The following PLCL1 variants were observed in gnomAD, a reference collection of about 807,000 sequenced individuals.
PLCL1 encodes inactive phospholipase C-like protein 1.
PLCL1 carries 41 observed loss-of-function variants against 84.4 expected under a neutral mutation model. The observed-to-expected ratio is 0.49, with a 90% CI of 0.38 to 0.63. The LOEUF (loss-of-function observed/expected upper bound fraction) is 0.63, where lower values mean the gene tolerates loss of function less well. PLCL1 is among the 30% of genes least tolerant of loss of function. The pLI is 0.00. For synonymous variants in PLCL1, 490 were observed against 488.3 expected (o/e 1.00, Z -0.05); for missense variants, 1,206 against 1,367.8 (o/e 0.88, Z 1.87).
chr2:197,926,734 A>G (rs1688839065), intron 1 of PLCL1, among the ~76,000 whole-genome samples: 2 of 152,202 alleles, frequency 1.3e-5, no homozygotes, highest in African/African-American at 2.4e-5. Context: ...CCTTCTGGTT[A>G]TCAGTTGCTG....
At chr2:198,092,077 A>G (rs1432499251) in intron 3 of PLCL1, among the ~76,000 whole-genome samples, 1 of 145,862 alleles carries the variant, frequency 6.9e-6, no homozygotes, top group African/African-American at 2.6e-5. Flanking sequence ...GCTTCTCCCA[A>G]CCTCACCTGC....
At chr2:197,922,618 C>A (rs1438633856) in intron 1 of PLCL1, among the ~76,000 whole-genome samples, 1 of 141,152 alleles carries the variant, frequency 7.1e-6, no homozygotes, top group South Asian at 2.3e-4. Flanking sequence ...ACCTCCCGGA[C>A]GGGGCGGCTG....
chr2:198,050,188 C>G (rs1378265438), intron 1 of PLCL1, among the ~76,000 whole-genome samples: 2 of 152,100 alleles, frequency 1.3e-5, no homozygotes, highest in African/African-American at 4.8e-5. Context: ...ACAGCTCCAG[C>G]TTAATATTCA....
chr2:198,088,177 G>A (rs540314082), intron 2 of PLCL1, among the ~76,000 whole-genome samples: 9 of 152,120 alleles, frequency 5.9e-5, no homozygotes, highest in Non-Finnish European at 1.2e-4. Flanking sequence ...GTGTATCCAG[G>A]TAGCGTTGAT....
In PLCL1 at chr2:197,908,074, T is replaced by C. The variant is rs1688417308; in HGVS notation, c.240+102735T>C. Among the ~76,000 whole-genome samples the C allele has an allele frequency of 2.0e-5, 3 of 152,100 alleles. No individual in the cohort carries two copies. The South Asian group carries it at 6.2e-4, about 31-fold the overall frequency. On this transcript the variant is annotated intron_variant, in intron 1 of 5. Transcript: ENST00000428675. ...CACATATTTAGCATGAGAAAGAAGA[T>C]GAGTATAAGACATTGCATAGGCTTT...
chr2:197,984,294 C>T (rs1004608790), intron 1 of PLCL1, among the ~76,000 whole-genome samples: 1 of 152,172 alleles, frequency 6.6e-6, no homozygotes, highest in Non-Finnish European at 1.5e-5. Context: ...TCATTTATCT[C>T]TCATGGTAAT....
At chr2:197,963,005 T>C (rs1336122216) in intron 1 of PLCL1, among the ~76,000 whole-genome samples, 3 of 152,134 alleles carry the variant, frequency 2.0e-5, no homozygotes, top group African/African-American at 7.2e-5. Flanking sequence ...TTTCCAAATA[T>C]AGGCTATTGT....
rs567510507 is a variant in PLCL1, at chr2:198,012,154, G to A, written c.241-71604G>A. On this transcript the variant is annotated intron_variant, in intron 1 of 5. Coordinates refer to ENST00000428675, the MANE Select transcript of PLCL1 (RefSeq NM_006226.4). ...GATTCATAGTTCCCCAAAGCTCAGA[G>A]TGAATGGAATCTTTCTGTGTGTTAC... Among the ~76,000 whole-genome samples the A allele has an allele frequency of 2.8e-4, 43 of 152,252 alleles. 1 individual carries two copies. In the South Asian group the frequency reaches 5.6e-3, roughly 20 times the overall value.
intron 5 of PLCL1, among the ~76,000 whole-genome samples, chr2:198,105,933 A>G (rs1693463437): frequency 6.6e-6 from 1 of 151,944 alleles, no homozygotes; most frequent in South Asian, 2.1e-4. Context: ...ACATGAAAAA[A>G]GAAATGATTT....
At chr2:198,105,414 T>G (rs1174928282) in intron 5 of PLCL1, among the ~76,000 whole-genome samples, 1 of 152,062 alleles carries the variant, frequency 6.6e-6, no homozygotes, top group East Asian at 1.9e-4. Flanking sequence ...TTTTGATTAC[T>G]GTAGCCTTGT....
intron 1 of PLCL1, among the ~76,000 whole-genome samples, chr2:197,982,856 C>T (rs1690137863): frequency 6.6e-6 from 1 of 152,164 alleles, no homozygotes; most frequent in Non-Finnish European, 1.5e-5. Context: ...ACAGAACAGC[C>T]TCAACAATTT....
chr2:197,964,362 T>A (rs1197772695), intron 1 of PLCL1, among the ~76,000 whole-genome samples: 1 of 152,160 alleles, frequency 6.6e-6, no homozygotes, highest in African/African-American at 2.4e-5. Context: ...TTGTAGCTAA[T>A]ATAAATGGGA....
chr2:197,830,770 G>C (rs1175592751), intron 1 of PLCL1, among the ~76,000 whole-genome samples: 1 of 152,186 alleles, frequency 6.6e-6, no homozygotes, highest in Non-Finnish European at 1.5e-5. Flanking sequence ...GGCAGATAGA[G>C]AGAAAGATCG....
chr2:198,016,275 T>C (rs1470053360), intron 1 of PLCL1, among the ~76,000 whole-genome samples: 1 of 152,312 alleles, frequency 6.6e-6, no homozygotes, highest in African/African-American at 2.4e-5. Context: ...GTAAAAGATC[T>C]ACATGCTCAT....
chr2:198,085,678 C>G lies in PLCL1; in HGVS notation c.2161C>G (p.Leu721Val), dbSNP rs137857586. The change falls in exon 2 of 6, where the codon CTA (leucine) becomes GTA (valine). Residue 721 changes from leucine (L) to valine (V), a missense_variant. Physicochemically the swap from Leu to Val is conservative, Grantham distance 32. Coordinates refer to ENST00000428675, the MANE Select transcript of PLCL1 (RefSeq NM_006226.4). The surrounding 1 kb of genome is among the most constrained non-coding windows in gnomAD (Gnocchi z 5.3). ...GGGCATTCTACCTGGGGTGTCTCCT[C>G]TAGCTCTTCATATCAAGATCATCAG... Reference protein sequence around the residue: ...TKGILPGVSPLALHIKIISGQ... With the variant: ...TKGILPGVSPVALHIKIISGQ... 4.8e-5 allele frequency: 77 copies of G among 1,614,038 alleles called. No individual in the cohort carries two copies. The highest frequency in any genetic ancestry group is 6.1e-5 in the Non-Finnish European group (72 of 1,180,004).
At chr2:197,868,373 G>C (rs1687586516) in intron 1 of PLCL1, among the ~76,000 whole-genome samples, 1 of 152,172 alleles carries the variant, frequency 6.6e-6, no homozygotes, top group African/African-American at 2.4e-5. Flanking sequence ...GTAGGAAGCT[G>C]AATTGGCTCG....
intron 1 of PLCL1, among the ~76,000 whole-genome samples, chr2:198,018,610 G>A (rs956465169): frequency 1.3e-5 from 2 of 152,184 alleles, no homozygotes; most frequent in Non-Finnish European, 2.9e-5. Flanking sequence ...AAACAAAGCC[G>A]CCTGGAAGTT....
At position 198,020,819 on chromosome 2, in the gene PLCL1, G is replaced by T. The variant is rs112505295; in HGVS notation, c.241-62939G>T. 3.6e-3 allele frequency among the ~76,000 whole-genome samples: 552 copies of T among 152,170 alleles called. 2 individuals are homozygous for T. The highest frequency in any genetic ancestry group is 6.7e-3 in the Non-Finnish European group (459 of 68,002). On this transcript the variant is annotated intron_variant, in intron 1 of 5. Transcript: ENST00000428675. ...TAGTGGGAGACTTTAACATCCACCT[G>T]CCAATATTCAACTGATCAACGAGGC...
intron 1 of PLCL1, among the ~76,000 whole-genome samples, chr2:197,930,888 G>A (rs1688917371): frequency 6.6e-6 from 1 of 152,134 alleles, no homozygotes; most frequent in African/African-American, 2.4e-5. Flanking sequence ...GGTTTATTGT[G>A]CCTTCTATGA....
Sources: gnomAD v4.1 joint callset for allele counts (sites outside exome capture counted in the v4.1 genomes callset) on GRCh38, gnomAD v4.1.1 for gene constraint, Gnocchi (gnomAD v3.1) non-coding constraint, MANE v1.5 for transcripts, NCBI Gene and HGNC (gene_info 2026-07-23, HGNC 2026-07-21) for gene names.